Variants in HCN1 observed in about 807,000 individuals in gnomAD.
HCN1 encodes potassium/sodium hyperpolarization-activated cyclic nucleotide-gated channel 1.
Under a neutral mutation model 78.9 loss-of-function variants are expected in HCN1, and 13 were observed. That is an observed-to-expected ratio of 0.16 (90% confidence interval 0.11 to 0.26). The LOEUF is 0.26. Among genes scored for constraint, HCN1 ranks in the 10% least tolerant of loss-of-function variants. The pLI, the probability that HCN1 is intolerant of heterozygous loss-of-function variation, is 1.00. For missense variants in HCN1, 810 were observed against 1,154.3 expected (o/e 0.70, Z 4.32); for synonymous variants, 552 against 455.5 (o/e 1.21, Z -2.70).
At chr5:45,611,364 C>T (rs1479467200) in intron 2 of HCN1, among the ~76,000 whole-genome samples, 5 of 150,140 alleles carry the variant, frequency 3.3e-5, no homozygotes, top group African/African-American at 7.4e-5. Flanking sequence ...CTCCACCTCC[C>T]GGGTTCAAGC....
chr5:45,685,967 T>C (rs918256790), intron 1 of HCN1, among the ~76,000 whole-genome samples: 5 of 152,138 alleles, frequency 3.3e-5, no homozygotes, highest in Non-Finnish European at 5.9e-5. Context: ...TAATTCTGTT[T>C]TAATTTTACA....
At chr5:45,607,737 C>A (rs556479550) in intron 2 of HCN1, among the ~76,000 whole-genome samples, 3 of 151,606 alleles carry the variant, frequency 2.0e-5, no homozygotes, top group South Asian at 2.1e-4. Flanking sequence ...GGAAATGCAA[C>A]TTACTGCCTT....
intron 2 of HCN1, among the ~76,000 whole-genome samples, chr5:45,613,226 T>C (rs1452084693): frequency 7.0e-6 from 1 of 143,660 alleles, no homozygotes; most frequent in Non-Finnish European, 1.5e-5. Context: ...CATTGTTCAA[T>C]TCCCACCTAT....
chr5:45,663,789 AT>A (rs1745973276), intron 1 of HCN1, among the ~76,000 whole-genome samples: 1 of 151,172 alleles, frequency 6.6e-6, no homozygotes, highest in Admixed American at 6.6e-5. Flanking sequence ...AATGGCAATC[AT>A]TAAAAAGTCA....
chr5:45,372,190 A>AT (rs1747405105), intron 4 of HCN1, among the ~76,000 whole-genome samples: 1 of 61,664 alleles, frequency 1.6e-5, no homozygotes, highest in African/African-American at 9.5e-5. Context: ...AATATAATAC[A>AT]ATTAATATAA....
In HCN1 at chr5:45,512,063, T is replaced by TA. The variant is rs369925972; in HGVS notation, c.850-50057dup. Reference sequence around the variant, plus strand: ...TAAGATTATTCATCTTTATATAACTTACTACCATCCTGTAAGGCTCTGTGT... The same window carrying TA: ...TAAGATTATTCATCTTTATATAACTTAACTACCATCCTGTAAGGCTCTGTGT... On this transcript the variant is annotated intron_variant, in intron 2 of 7. Transcript: ENST00000303230. Among the ~76,000 whole-genome samples, 266 of 152,202 alleles carry TA rather than the reference T, an allele frequency of 1.7e-3. 1 individual carries two copies. The highest frequency in any genetic ancestry group is 6.2e-3 in the African/African-American group (257 of 41,568).
intron 2 of HCN1, among the ~76,000 whole-genome samples, chr5:45,485,071 T>G (rs1741728805): frequency 6.6e-6 from 1 of 152,228 alleles, no homozygotes; most frequent in South Asian, 2.1e-4. Flanking sequence ...CTGATAGATT[T>G]CAGTCAGATG....
intron 2 of HCN1, among the ~76,000 whole-genome samples, chr5:45,466,361 C>T (rs1219350867): frequency 2.0e-5 from 3 of 152,082 alleles, no homozygotes; most frequent in Non-Finnish European, 4.4e-5. Context: ...GTGCATTAAA[C>T]TGCTTTTAGT....
At chr5:45,453,167 A>G (rs539522876) in intron 3 of HCN1, among the ~76,000 whole-genome samples, 79 of 152,228 alleles carry the variant, frequency 5.2e-4, no homozygotes, top group African/African-American at 1.8e-3. Flanking sequence ...TTTTAAACAG[A>G]GAATGATAAC....
At chr5:45,401,498 G>A (rs1579870089) in intron 3 of HCN1, among the ~76,000 whole-genome samples, 1 of 151,982 alleles carries the variant, frequency 6.6e-6, no homozygotes, top group Non-Finnish European at 1.5e-5. Flanking sequence ...ATTAGTTTAT[G>A]TAGGAAAATT....
intron 2 of HCN1, among the ~76,000 whole-genome samples, chr5:45,612,679 C>T (rs1744861571): frequency 6.6e-6 from 1 of 152,220 alleles, no homozygotes; most frequent in South Asian, 2.1e-4. Context: ...CTGATGAACC[C>T]TGAAAGTGAA....
At chr5:45,536,836 G>T (rs193168508) in intron 2 of HCN1, among the ~76,000 whole-genome samples, 1 of 152,090 alleles carries the variant, frequency 6.6e-6, no homozygotes, top group African/African-American at 2.4e-5. Context: ...GGTCAATTTC[G>T]CTAAACTAGA....
In HCN1 at chr5:45,512,352, C is replaced by A. The variant is rs955143212; in HGVS notation, c.850-50345G>T. Among the ~76,000 whole-genome samples the A allele has an allele frequency of 2.0e-5, 3 of 151,990 alleles. No homozygotes were observed. The South Asian group carries it at 6.2e-4, about 31-fold the overall frequency. On this transcript the variant is annotated intron_variant, in intron 2 of 7. Coordinates refer to ENST00000303230, the MANE Select transcript of HCN1 (RefSeq NM_021072.4). Reference sequence around the variant, plus strand: ...AAGTGCTAAAAAATAAGTTGAACAGCACTTATGTCAGATGTAACTCATCTT... The same window carrying A: ...AAGTGCTAAAAAATAAGTTGAACAGAACTTATGTCAGATGTAACTCATCTT...
intron 2 of HCN1, among the ~76,000 whole-genome samples, chr5:45,584,029 T>C (rs1744145149): frequency 1.3e-5 from 2 of 152,234 alleles, no homozygotes; most frequent in African/African-American, 2.4e-5. Context: ...GAGAGTTCTG[T>C]AGATGTCTAT....
chr5:45,663,135 C>A (rs1178062447), intron 1 of HCN1, among the ~76,000 whole-genome samples: 1 of 145,798 alleles, frequency 6.9e-6, no homozygotes, highest in African/African-American at 2.6e-5. Flanking sequence ...CAGAACAGAG[C>A]CCTCAGAAAT....
chr5:45,509,174 C>T (rs929341564), intron 2 of HCN1, among the ~76,000 whole-genome samples: 2 of 152,062 alleles, frequency 1.3e-5, no homozygotes, highest in Non-Finnish European at 2.9e-5. Context: ...TCTGCTAAAT[C>T]GATCTTGTTC....
At chr5:45,450,292 T>G (rs1393099274) in intron 3 of HCN1, among the ~76,000 whole-genome samples, 1 of 152,210 alleles carries the variant, frequency 6.6e-6, no homozygotes, top group Non-Finnish European at 1.5e-5. Context: ...CAAAGTTTGA[T>G]TTTACCCAAT....
In HCN1 at chr5:45,437,188, C is replaced by T. The variant is rs1409333822; in HGVS notation, c.1011+24658G>A. Among the ~76,000 whole-genome samples, 4 of 152,208 alleles carry T rather than the reference C, an allele frequency of 2.6e-5. 1 individual carries two copies. Among genetic ancestry groups the T allele is most frequent in the Middle Eastern group, 6.8e-3 (2 of 294 alleles). On this transcript the variant is annotated intron_variant, in intron 3 of 7. Coordinates refer to ENST00000303230, the MANE Select transcript of HCN1 (RefSeq NM_021072.4). ...TACACAATAGGGTACTAATTTAATA[C>T]ATATAATAATTTTAGAAAGAATGAA...
chr5:45,360,941 T>C (rs1258271392), intron 4 of HCN1, among the ~76,000 whole-genome samples: 1 of 152,154 alleles, frequency 6.6e-6, no homozygotes, highest in Non-Finnish European at 1.5e-5. Context: ...TAATGATTAT[T>C]TAGCTCTCAA....
Sources: gnomAD v4.1 joint callset for allele counts (sites outside exome capture counted in the v4.1 genomes callset) on GRCh38, gnomAD v4.1.1 for gene constraint, MANE v1.5 for transcripts, NCBI Gene and HGNC (gene_info 2026-07-23, HGNC 2026-07-21) for gene names.